Variants in TNNI3K observed in about 807,000 individuals in gnomAD.
The protein encoded by TNNI3K is serine/threonine-protein kinase TNNI3K.
Under a neutral mutation model 114.5 loss-of-function variants are expected in TNNI3K, and 140 were observed. That is an observed-to-expected ratio of 1.22 (90% CI 1.07 to 1.41). TNNI3K has a LOEUF of 1.41. TNNI3K is among the 40% of genes most tolerant of loss of function. The pLI is 0.00. For missense variants in TNNI3K, 1,125 were observed against 1,007.6 expected, an observed-to-expected ratio of 1.12 and a Z score of -1.58; for synonymous variants, 347 against 347.5, an observed-to-expected ratio of 1.00 and a Z score of 0.02.
intron 17 of TNNI3K, among the ~76,000 whole-genome samples, chr1:74,378,455 T>A (rs1663017357): frequency 6.6e-6 from 1 of 150,804 alleles, no homozygotes; most frequent in Non-Finnish European, 1.5e-5. Context: ...TCAGGACCCA[T>A]CTTCAACGTG....
Position 74,529,812 on chromosome 1 carries a change from C to T in TNNI3K, c.2352-10422C>T, listed in dbSNP as rs531767895. ...ATATATTCACTTCAGCCATTTGATT[C>T]CAAAGTCTTTGCACATGCCCCTGCT... On this transcript the variant is annotated intron_variant, in intron 23 of 24. Coordinates refer to ENST00000326637, the MANE Select transcript of TNNI3K (RefSeq NM_015978.3). Among the ~76,000 whole-genome samples the T allele has an allele frequency of 1.6e-4, 25 of 152,232 alleles. No homozygotes were observed. The East Asian group carries it at 4.6e-3, about 28-fold the overall frequency.
At chr1:74,472,238 A>G (rs939145862) in intron 21 of TNNI3K, 2 of 713,806 alleles carry the variant, frequency 2.8e-6, no homozygotes, top group East Asian at 2.7e-5. Context: ...AGCACTTAGC[A>G]GAGTTTTATT....
intron 21 of TNNI3K, among the ~76,000 whole-genome samples, 172 bp from the exon 22 acceptor site, chr1:74,489,017 A>G (rs931040128): frequency 2.6e-5 from 4 of 152,246 alleles, no homozygotes; most frequent in African/African-American, 7.2e-5. Context: ...ACATCTCTCC[A>G]TGAACAGCAA....
chr1:74,416,249 T>A, intron 17 of TNNI3K: 1 of 982,910 alleles, frequency 1.0e-6, no homozygotes, highest in Non-Finnish European at 1.2e-6. Flanking sequence ...AGAGTCAAAT[T>A]TTCAAGTGAA....
At chr1:74,513,721 G>C (rs1646302858) in intron 23 of TNNI3K, among the ~76,000 whole-genome samples, 1 of 152,180 alleles carries the variant, frequency 6.6e-6, no homozygotes, top group Admixed American at 6.5e-5. Flanking sequence ...AGCATTACCA[G>C]AGAGAAATAT....
intron 5 of TNNI3K, among the ~76,000 whole-genome samples, chr1:74,272,283 A>AT (rs1165604945): frequency 6.6e-6 from 1 of 151,952 alleles, no homozygotes; most frequent in Non-Finnish European, 1.5e-5. Flanking sequence ...AAAGAATAAA[A>AT]TAGACAATAA....
intron 23 of TNNI3K, among the ~76,000 whole-genome samples, chr1:74,512,256 G>C (rs953133532): frequency 2.0e-5 from 3 of 152,126 alleles, no homozygotes; most frequent in Admixed American, 1.3e-4. Flanking sequence ...GGATAATATG[G>C]TAATCTAGAT....
intron 5 of TNNI3K, among the ~76,000 whole-genome samples, chr1:74,284,603 A>T (rs556190959): frequency 3.9e-5 from 6 of 152,244 alleles, no homozygotes; most frequent in Non-Finnish European, 7.3e-5. Flanking sequence ...AAAACCTTCT[A>T]AAGTCACTCT....
intron 21 of TNNI3K, chr1:74,475,304 T>G (rs1187573281): frequency 3.0e-6 from 2 of 658,450 alleles, no homozygotes; most frequent in African/African-American, 1.8e-5. Context: ...CCTTCTGTTC[T>G]TATTATATGG....
chr1:74,264,033 G>A (rs1229050599), intron 4 of TNNI3K, among the ~76,000 whole-genome samples: 3 of 151,830 alleles, frequency 2.0e-5, no homozygotes, highest in Non-Finnish European at 4.4e-5. Flanking sequence ...CCAATTGGAG[G>A]CAGCCTGCAG....
chr1:74,532,672 G>T (rs1646605565), intron 23 of TNNI3K, among the ~76,000 whole-genome samples: 1 of 143,070 alleles, frequency 7.0e-6, no homozygotes, highest in Non-Finnish European at 1.5e-5. Context: ...TCCCCTCCCT[G>T]TGTCCATGTG....
At chr1:74,529,457 C>A (rs1380518831) in intron 23 of TNNI3K, among the ~76,000 whole-genome samples, 2 of 152,162 alleles carry the variant, frequency 1.3e-5, no homozygotes, top group African/African-American at 4.8e-5. Flanking sequence ...GATGGAGAGA[C>A]CATTTCAGAC....
chr1:74,346,719 C>A (rs565527757), intron 9 of TNNI3K, among the ~76,000 whole-genome samples: 1 of 150,772 alleles, frequency 6.6e-6, no homozygotes, highest in South Asian at 2.1e-4. Flanking sequence ...TAAAGAAATA[C>A]CACAGACTGG....
At chr1:74,372,415 G>T (rs372243261) in intron 17 of TNNI3K, 16 of 151,898 alleles carry the variant, frequency 1.1e-4, no homozygotes, top group Middle Eastern at 3.4e-3. Flanking sequence ...AATCAGATAC[G>T]TGAGTGGTAG....
chr1:74,373,806 A>G (rs901686967), intron 17 of TNNI3K: 1 of 151,850 alleles, frequency 6.6e-6, no homozygotes, highest in Non-Finnish European at 1.5e-5. Context: ...AGTGAAAAAA[A>G]AGAACTCTAC....
intron 17 of TNNI3K, among the ~76,000 whole-genome samples, chr1:74,413,961 AG>A (rs1665004271): frequency 6.6e-6 from 1 of 152,178 alleles, no homozygotes; most frequent in African/African-American, 2.4e-5. Context: ...TTTCACAACG[AG>A]TACATCATTT....
chr1:74,439,472 A>T lies in TNNI3K; in HGVS notation c.1879-18A>T, dbSNP rs200595239. 89 of 1,607,304 alleles carry T rather than the reference A, an allele frequency of 5.5e-5. No homozygotes were observed. The highest frequency in any genetic ancestry group is 1.3e-5 in the Non-Finnish European group (15 of 1,176,584). The stretch of plus-strand genomic sequence containing the variant: ...CAAACACTTGGTAAATGGCTTGTGG[A>T]TGTTTCTTGATGTGCAGAACCTCCG... On this transcript the variant is annotated intron_variant, in intron 19 of 24. Coordinates refer to ENST00000326637, the MANE Select transcript of TNNI3K (RefSeq NM_015978.3).
At chr1:74,254,667 G>A (rs1655163175) in intron 4 of TNNI3K, among the ~76,000 whole-genome samples, 1 of 152,096 alleles carries the variant, frequency 6.6e-6, no homozygotes, top group Non-Finnish European at 1.5e-5. Context: ...GGCATGCTGG[G>A]CCTGACTCAT....
At chr1:74,310,833 A>AT (rs1658950691) in intron 5 of TNNI3K, among the ~76,000 whole-genome samples, 1 of 152,070 alleles carries the variant, frequency 6.6e-6, no homozygotes, top group East Asian at 1.9e-4. Flanking sequence ...ATCTTGGTAA[A>AT]TTTTTTTATA....
Sources: gnomAD v4.1 joint callset for allele counts (sites outside exome capture counted in the v4.1 genomes callset) on GRCh38, gnomAD v4.1.1 for gene constraint, MANE v1.5 for transcripts, NCBI Gene and HGNC (gene_info 2026-07-23, HGNC 2026-07-21) for gene names.